AK9: variants seen among roughly 807,000 people sequenced by gnomAD.
AK9 encodes adenylate kinase 9.
A neutral mutation model predicts 239.6 loss-of-function variants in AK9; 191 were observed. The ratio of observed to expected loss-of-function variants is 0.80; its 90% confidence interval spans 0.71 to 0.90. The LOEUF (loss-of-function observed/expected upper bound fraction) is 0.90, where lower values mean the gene tolerates loss of function less well. Among genes scored for constraint, AK9 ranks in the 40% least tolerant of loss-of-function variants. AK9 has a pLI of 0.00. For missense variants in AK9, 1,995 were observed against 2,214.7 expected, an observed-to-expected ratio of 0.90 and a Z score of 1.99; for synonymous variants, 689 against 721.0, an observed-to-expected ratio of 0.96 and a Z score of 0.71.
chr6:109,533,915 C>G (rs1448147961), intron 27 of AK9, among the ~76,000 whole-genome samples: 1 of 152,096 alleles, frequency 6.6e-6, no homozygotes, highest in African/African-American at 2.4e-5. Context: ...GGAGCGGTGC[C>G]CAGCCTAATG....
chr6:109,647,100 G>C (rs1309225356), intron 8 of AK9, among the ~76,000 whole-genome samples: 1 of 152,176 alleles, frequency 6.6e-6, no homozygotes, highest in Non-Finnish European at 1.5e-5. Flanking sequence ...ACTAAGCATG[G>C]AAAGGAACAA....
chr6:109,525,288 G>A (rs1178762202), intron 29 of AK9, among the ~76,000 whole-genome samples: 1 of 152,130 alleles, frequency 6.6e-6, no homozygotes, highest in East Asian at 1.9e-4. Context: ...AAAAGCAATT[G>A]CAACAGAAAC....
intron 27 of AK9, among the ~76,000 whole-genome samples, chr6:109,534,224 A>G (rs1212531218): frequency 6.7e-6 from 1 of 148,604 alleles, no homozygotes; most frequent in Non-Finnish European, 1.5e-5. Context: ...CCTTCTCAAA[A>G]AAAAAAAAGA....
chr6:109,674,344 T>C, intron 2 of AK9, 83 bp from the exon 3 acceptor site: 1 of 941,016 alleles, frequency 1.1e-6, no homozygotes, highest in East Asian at 2.7e-5. Flanking sequence ...AAAGATTCTA[T>C]TGCTAGTTAC....
intron 29 of AK9, among the ~76,000 whole-genome samples, chr6:109,523,238 C>A (rs578072877): frequency 7.6e-6 from 1 of 131,276 alleles, no homozygotes; most frequent in South Asian, 2.7e-4. Context: ...CACAAAAGAT[C>A]ATCTAAGAGA....
intron 8 of AK9, among the ~76,000 whole-genome samples, chr6:109,652,570 T>C (rs956624588): frequency 2.6e-5 from 4 of 152,266 alleles, no homozygotes; most frequent in African/African-American, 4.8e-5. Flanking sequence ...ACTGTGGATA[T>C]AGCATAATTT....
chr6:109,624,426 TTG>T (rs1795275566), intron 12 of AK9, among the ~76,000 whole-genome samples: 1 of 152,198 alleles, frequency 6.6e-6, no homozygotes, highest in African/African-American at 2.4e-5. Context: ...AGGCAATTTT[TTG>T]TGTGTGTGAC....
chr6:109,563,158 G>A (rs1785998133), intron 24 of AK9, among the ~76,000 whole-genome samples: 1 of 152,076 alleles, frequency 6.6e-6, no homozygotes, highest in Non-Finnish European at 1.5e-5. Flanking sequence ...GAAAAGAACT[G>A]CTTCCTGTTT....
chr6:109,499,504 T>C (rs562379756), intron 35 of AK9, among the ~76,000 whole-genome samples: 10 of 152,334 alleles, frequency 6.6e-5, no homozygotes, highest in African/African-American at 2.4e-4. Flanking sequence ...TTGCATATAG[T>C]ATGCTTGTGC....
chr6:109,641,382 C>A, intron 10 of AK9, 136 bp downstream of exon 10: 110 of 299,050 alleles, frequency 3.7e-4, no homozygotes, highest in East Asian at 7.3e-4. Context: ...GAGATGGGTT[C>A]TGACTAGGTC....
intron 24 of AK9, among the ~76,000 whole-genome samples, chr6:109,562,986 T>C (rs1365853139): frequency 6.6e-6 from 1 of 152,190 alleles, no homozygotes; most frequent in Admixed American, 6.5e-5. Flanking sequence ...TCCAGTTCCT[T>C]AGTGATAAAG....
chr6:109,600,125 G>A (rs1791699749), intron 17 of AK9, among the ~76,000 whole-genome samples: 1 of 152,144 alleles, frequency 6.6e-6, no homozygotes. Flanking sequence ...TTGAATAGGA[G>A]TGGTGAGAGA....
chr6:109,575,413 C>T (rs1787941421), intron 20 of AK9, among the ~76,000 whole-genome samples: 1 of 152,144 alleles, frequency 6.6e-6, no homozygotes, highest in Non-Finnish European at 1.5e-5. Context: ...TTTTGATTTG[C>T]ATTTCCCTGA....
intron 20 of AK9, 121 bp downstream of exon 20, chr6:109,579,429 C>A: frequency 1.1e-6 from 1 of 894,454 alleles, no homozygotes; most frequent in East Asian, 2.8e-5. Flanking sequence ...AGGCATAAAC[C>A]TGGGCTCTCA....
At chr6:109,563,280 AC>A (rs1230600263) in intron 24 of AK9, among the ~76,000 whole-genome samples, 1 of 152,226 alleles carries the variant, frequency 6.6e-6, no homozygotes, top group Non-Finnish European at 1.5e-5. Context: ...AACTGAGAAC[AC>A]TGCACATTAT....
intron 35 of AK9, among the ~76,000 whole-genome samples, chr6:109,499,781 G>C (rs565636937): frequency 6.6e-6 from 1 of 152,188 alleles, no homozygotes; most frequent in African/African-American, 2.4e-5. Context: ...TGTACTTTTA[G>C]TAGAGACAGG....
intron 27 of AK9, among the ~76,000 whole-genome samples, chr6:109,534,017 C>A (rs1781624010): frequency 6.6e-6 from 1 of 152,030 alleles, no homozygotes; most frequent in South Asian, 2.1e-4. Flanking sequence ...AACAGTGCTT[C>A]CTTTCATGAG....
At position 109,524,089 on chromosome 6, in the gene AK9, GTTA is replaced by G. The variant is rs146471233; in HGVS notation, c.3633+4919_3633+4921del. 9.5e-3 allele frequency among the ~76,000 whole-genome samples: 1,437 copies of G among 151,914 alleles called. 13 individuals carry two copies. Among genetic ancestry groups the G allele is most frequent in the Middle Eastern group, 0.037 (11 of 294 alleles). ...TCACCAAACAAGAACTTTTAAAGCA[GTTA>G]TTATTACAATGATCAATGAGGAAAA... On this transcript the variant is annotated intron_variant, in intron 29 of 40. Coordinates refer to ENST00000424296, the MANE Select transcript of AK9 (RefSeq NM_001145128.3).
chr6:109,552,732 C>G (rs117929140), intron 24 of AK9, among the ~76,000 whole-genome samples: 6 of 152,286 alleles, frequency 3.9e-5, no homozygotes, highest in Non-Finnish European at 7.4e-5. Flanking sequence ...TCAACTGTAG[C>G]TTTTGTTGCA....
Sources: allele counts gnomAD v4.1 joint callset (sites outside exome capture counted in the v4.1 genomes callset), GRCh38; gene constraint gnomAD v4.1.1; transcripts MANE v1.5; gene names NCBI Gene and HGNC (gene_info 2026-07-23, HGNC 2026-07-21).